Variants in RETREG1 observed in about 807,000 individuals in gnomAD.
RETREG1 encodes the protein reticulophagy regulator 1.
A neutral mutation model predicts 54.8 loss-of-function variants in RETREG1; 44 were observed. The ratio of observed to expected loss-of-function variants is 0.80; its 90% CI spans 0.63 to 1.03. RETREG1 has a LOEUF of 1.03. Ranked by LOEUF, RETREG1 falls within the 50% of genes least tolerant of loss-of-function variation. The pLI is 0.00. For synonymous variants in RETREG1, 217 were observed against 238.5 expected (o/e 0.91, Z 0.83); for missense variants, 554 against 605.1 (o/e 0.92, Z 0.89).
chr5:16,495,842 G>A (rs1739433115), intron 3 of RETREG1, among the ~76,000 whole-genome samples: 1 of 151,988 alleles, frequency 6.6e-6, no homozygotes, highest in African/African-American at 2.4e-5. Context: ...TTAGACTCAG[G>A]GTATAAGTTG....
Position 16,474,705 on chromosome 5 carries a change from G to GTTTTTTTTTTTC in RETREG1, c.*35_*36insGAAAAAAAAAAA. ...TTTTTTCTTGTTTGAAATTTTTTTG[G>GTTTTTTTTTTTC]TGTTTTTTGTGCTCTGTTGCAAGCT... On this transcript the variant is annotated 3_prime_UTR_variant, in exon 9 of 9. Coordinates refer to ENST00000306320, the MANE Select transcript of RETREG1 (RefSeq NM_001034850.3). The GTTTTTTTTTTTC allele has an allele frequency of 6.9e-7, 1 of 1,453,218 alleles. No individual in the cohort carries two copies. The highest frequency in any genetic ancestry group is 1.6e-5 in the South Asian group (1 of 64,130). The allele number at this position is 1,453,218 out of a possible 1,614,324, so 90.0% of individuals were successfully genotyped here.
At chr5:16,598,071 C>T (rs1363351857) in intron 1 of RETREG1, among the ~76,000 whole-genome samples, 1 of 152,078 alleles carries the variant, frequency 6.6e-6, no homozygotes, top group Non-Finnish European at 1.5e-5. Flanking sequence ...TCCATCTCCC[C>T]ACCTCCCGAC....
chr5:16,583,666 G>A (rs879481448), intron 1 of RETREG1, among the ~76,000 whole-genome samples: 3 of 152,166 alleles, frequency 2.0e-5, no homozygotes, highest in Non-Finnish European at 2.9e-5. Flanking sequence ...TCATACACAC[G>A]CAAATCTTGT....
At chr5:16,601,810 G>T (rs1197878608) in intron 1 of RETREG1, among the ~76,000 whole-genome samples, 2 of 152,114 alleles carry the variant, frequency 1.3e-5, no homozygotes, top group African/African-American at 2.4e-5. Context: ...ATCAACAGAG[G>T]TCTATCAGTT....
chr5:16,504,840 C>T (rs551192675), intron 3 of RETREG1, among the ~76,000 whole-genome samples: 48 of 152,324 alleles, frequency 3.2e-4, no homozygotes, highest in African/African-American at 1.1e-3. Context: ...GGAATCCCAA[C>T]GGCACCCTGG....
intron 3 of RETREG1, among the ~76,000 whole-genome samples, chr5:16,556,772 T>C (rs112865353): frequency 0.037 from 5,608 of 152,152 alleles, 143 homozygotes; most frequent in Non-Finnish European, 0.056. Context: ...CAGGTACGGG[T>C]CTGAAAAACG....
intron 3 of RETREG1, among the ~76,000 whole-genome samples, chr5:16,537,812 C>A (rs927578251): frequency 6.6e-6 from 1 of 152,132 alleles, no homozygotes; most frequent in Non-Finnish European, 1.5e-5. Flanking sequence ...CATTCTCAGA[C>A]GCAGTGCTCT....
At chr5:16,567,465 G>C (rs1449407445) in intron 2 of RETREG1, among the ~76,000 whole-genome samples, 4 of 152,206 alleles carry the variant, frequency 2.6e-5, no homozygotes, top group Admixed American at 2.0e-4. Flanking sequence ...CAGTTCATGG[G>C]CCACAATCCC....
At chr5:16,592,694 C>T (rs1031781680) in intron 1 of RETREG1, among the ~76,000 whole-genome samples, 4 of 149,612 alleles carry the variant, frequency 2.7e-5, no homozygotes, top group Admixed American at 1.4e-4. Context: ...GGTACATATA[C>T]GCCCTAGGAT....
chr5:16,521,028 C>T (rs916834749), intron 3 of RETREG1, among the ~76,000 whole-genome samples: 13 of 152,262 alleles, frequency 8.5e-5, no homozygotes, highest in East Asian at 7.7e-4. Flanking sequence ...ACTTGTTCTG[C>T]GTTGAGTCCT....
At chr5:16,492,396 A>C (rs1459833368) in intron 3 of RETREG1, among the ~76,000 whole-genome samples, 1 of 152,132 alleles carries the variant, frequency 6.6e-6, no homozygotes, top group African/African-American at 2.4e-5. Context: ...TTCAATTTAT[A>C]AGAAATGGAA....
At chr5:16,500,121 A>G (rs148692744) in intron 3 of RETREG1, among the ~76,000 whole-genome samples, 392 of 152,298 alleles carry the variant, frequency 2.6e-3, no homozygotes, top group Non-Finnish European at 4.2e-3. Flanking sequence ...TAAGAGGGTG[A>G]GCTTGTCCAT....
chr5:16,615,399 CAAAAA>C (rs35626131), intron 1 of RETREG1, among the ~76,000 whole-genome samples: 1 of 92,852 alleles, frequency 1.1e-5, no homozygotes, highest in African/African-American at 4.1e-5. Flanking sequence ...GACTCCATCT[CAAAAA>C]AAAAAAAAAA....
chr5:16,480,986 GC>G lies in RETREG1; in HGVS notation c.670+22del, dbSNP rs1280121870. 3 of 1,519,264 alleles carry G rather than the reference GC, an allele frequency of 2.0e-6. No homozygotes were observed. In the African/African-American group the frequency reaches 4.1e-5, roughly 21 times the overall value. The allele number at this position is 1,519,264 out of a possible 1,614,324, so 94.1% of individuals were successfully genotyped here. ...GATACCATATGCATCACAACACTTA[GC>G]CATATGTTCTACTATACTTACACAG... On this transcript the variant is annotated intron_variant, in intron 5 of 8. Transcript: ENST00000306320.
rs1022228913 is a variant in RETREG1, at chr5:16,585,816, A to C, written c.321-13714T>G. Among the ~76,000 whole-genome samples, 1 of 152,142 alleles carries C rather than the reference A, an allele frequency of 6.6e-6. No individual in the cohort carries two copies. Among genetic ancestry groups the C allele is most frequent in the African/African-American group, 2.4e-5 (1 of 41,414 alleles). ...AGCAGGCATCTCATATGGTGGGAGC[A>C]GTGGCAAGAGGGAGTGTGGGGAGGG... On this transcript the variant is annotated intron_variant, in intron 1 of 8. Coordinates refer to ENST00000306320, the MANE Select transcript of RETREG1 (RefSeq NM_001034850.3). This position sits in a 1 kb window ranked among gnomAD's most constrained non-coding sequence, Gnocchi z 4.5.
rs1742946737 is a variant in RETREG1, at chr5:16,597,912, C to T, written c.320+18740G>A. Among the ~76,000 whole-genome samples, 1 of 152,086 alleles carries T rather than the reference C, an allele frequency of 6.6e-6. No homozygotes were observed. On this transcript the variant is annotated intron_variant, in intron 1 of 8. Coordinates refer to ENST00000306320, the MANE Select transcript of RETREG1 (RefSeq NM_001034850.3). This position sits in a 1 kb window ranked among gnomAD's most constrained non-coding sequence, Gnocchi z 4.3. ...TCACCTCCTGTGACCGCTGGCACGA[C>T]TTCCTTGCCCCAGGGGTAAGGAACT...
Position 16,616,749 on chromosome 5 carries a change from G to T in RETREG1, c.223C>A (p.Pro75Thr). 1 of 1,570,020 alleles carries T rather than the reference G, an allele frequency of 6.4e-7. No homozygotes were observed. Among genetic ancestry groups the T allele is most frequent in the Non-Finnish European group, 8.6e-7 (1 of 1,165,868 alleles). Residue 75 changes from proline to threonine, a missense_variant, in exon 1 of 9, where the codon CCG becomes ACG. Transcript: ENST00000306320. ...AAAVTWLLGE[P>T]VLWLGCRADE... The stretch of plus-strand genomic sequence containing the variant: ...GCGCGGCAGCCCAGCCACAGCACCG[G>T]CTCCCCGAGCAGCCAGGTTACCGCG...
rs60991994 is a variant in RETREG1, at chr5:16,577,289, G to GTT, written c.321-5189_321-5188dup. 2.4e-3 allele frequency among the ~76,000 whole-genome samples: 340 copies of GTT among 141,226 alleles called. 4 individuals are homozygous for GTT. Among genetic ancestry groups the GTT allele is most frequent in the African/African-American group, 8.4e-3 (322 of 38,444 alleles). 92.6% of individuals were successfully genotyped at this position (141,226 alleles called of 152,430 possible). A position where few individuals can be genotyped will look rare whatever the true frequency, so the allele number is the denominator to read the frequency against. On this transcript the variant is annotated intron_variant, in intron 1 of 8. Coordinates refer to ENST00000306320, the MANE Select transcript of RETREG1 (RefSeq NM_001034850.3). The stretch of plus-strand genomic sequence containing the variant: ...TAGAGGCTTGATAAGACTTAGGTTT[G>GTT]TTTTTTTTTTTTTTCCCTCTAAAAC...
chr5:16,590,904 AAC>A (rs753998034), intron 1 of RETREG1, among the ~76,000 whole-genome samples: 44 of 128,826 alleles, frequency 3.4e-4, no homozygotes, highest in Non-Finnish European at 6.5e-4. Flanking sequence ...CACATGCACA[AAC>A]ACAAAAAAAC....
Sources: gnomAD v4.1 joint callset for allele counts (sites outside exome capture counted in the v4.1 genomes callset) on GRCh38, gnomAD v4.1.1 for gene constraint, Gnocchi (gnomAD v3.1) non-coding constraint, MANE v1.5 for transcripts, NCBI Gene and HGNC (gene_info 2026-07-23, HGNC 2026-07-21) for gene names.